Variants in CCDC13 observed in about 807,000 individuals in gnomAD.
CCDC13 encodes the protein coiled-coil domain-containing protein 13.
In CCDC13, 70 loss-of-function variants were observed where a neutral mutation model predicts 87.3. The observed-to-expected ratio is 0.80, with a 90% CI of 0.66 to 0.98. CCDC13 has a LOEUF of 0.98. CCDC13 is among the 50% of genes least tolerant of loss of function. The pLI, the probability that CCDC13 is intolerant of heterozygous loss-of-function variation, is 0.00. For missense variants in CCDC13, 842 were observed against 892.0 expected (o/e 0.94, Z 0.71); for synonymous variants, 317 against 360.3 (o/e 0.88, Z 1.36).
chr3:42,705,382 C>T (rs1467670165), downstream of CCDC13, among the ~76,000 whole-genome samples: 3 of 152,136 alleles, frequency 2.0e-5, no homozygotes, highest in Non-Finnish European at 2.9e-5. Flanking sequence ...AGCCAGGCTG[C>T]AACCTTGCCC....
At chr3:42,769,916 G>A (rs1700023473) in intron 1 of CCDC13, among the ~76,000 whole-genome samples, 1 of 152,256 alleles carries the variant, frequency 6.6e-6, no homozygotes, top group African/African-American at 2.4e-5. Flanking sequence ...GGGCAGGGCT[G>A]GGGACCGGCA....
chr3:42,719,593 G>A (rs981989262), intron 13 of CCDC13: 6 of 152,118 alleles, frequency 3.9e-5, no homozygotes, highest in African/African-American at 1.4e-4. Flanking sequence ...ACAGGCTTAG[G>A]ACACCCATAA....
Position 42,716,241 on chromosome 3 carries a change from C to CA in CCDC13, c.1719-2926dup, listed in dbSNP as rs879625891. Among the ~76,000 whole-genome samples, 145 of 139,080 alleles carry CA rather than the reference C, an allele frequency of 1.0e-3. 1 individual carries two copies. Among genetic ancestry groups the CA allele is most frequent in the South Asian group, 2.7e-3 (12 of 4,370 alleles). The allele number at this position is 139,080 out of a possible 152,430, so 91.2% of individuals were successfully genotyped here. A position where few individuals can be genotyped will look rare whatever the true frequency, so the allele number is the denominator to read the frequency against. Reference sequence around the variant, plus strand: ...AAAAAGGTTGTCAAAGATCTACCTCCAAAAAAAAAAAAATCAGGTCAAGCC... The same window carrying CA: ...AAAAAGGTTGTCAAAGATCTACCTCCAAAAAAAAAAAAAATCAGGTCAAGCC... On this transcript the variant is annotated intron_variant, in intron 13 of 15. Transcript: ENST00000310232.
intron 10 of CCDC13, among the ~76,000 whole-genome samples, chr3:42,735,120 G>A (rs1698963922): frequency 6.6e-6 from 1 of 152,214 alleles, no homozygotes; most frequent in South Asian, 2.1e-4. Context: ...GGGGCTTCCT[G>A]GAGGAGCTCC....
chr3:42,770,192 C>T (rs2125917019), intron 1 of CCDC13, among the ~76,000 whole-genome samples: 1 of 152,350 alleles, frequency 6.6e-6, no homozygotes, highest in Admixed American at 6.5e-5. Flanking sequence ...CACCAATCAG[C>T]ACTCTGTATC....
At chr3:42,732,105 G>A (rs1275962692) in intron 12 of CCDC13, among the ~76,000 whole-genome samples, 4 of 152,206 alleles carry the variant, frequency 2.6e-5, no homozygotes, top group Non-Finnish European at 4.4e-5. Context: ...CCTAAGGAGC[G>A]TGGCACATGC....
Position 42,758,112 on chromosome 3 carries a change from A to G in CCDC13, c.221+13T>C. 6.2e-7 allele frequency: 1 copy of G among 1,607,008 alleles called. No homozygotes were observed. The highest frequency in any genetic ancestry group is 8.5e-7 in the Non-Finnish European group (1 of 1,175,492). ...ACACACACACCCCTGAGAGATTTCA[A>G]ACTTGCATTTACCTCTTCTCAAAGC... On this transcript the variant is annotated intron_variant, in intron 2 of 15. Transcript: ENST00000310232.
At chr3:42,740,569 T>C (rs1462638441) in intron 8 of CCDC13, among the ~76,000 whole-genome samples, 3 of 152,112 alleles carry the variant, frequency 2.0e-5, no homozygotes, top group Admixed American at 2.0e-4. Flanking sequence ...TGTCAAATAG[T>C]GACAAATGCT....
chr3:42,742,843 A>G (rs967784717), intron 8 of CCDC13, 53 bp downstream of exon 8: 2 of 1,603,662 alleles, frequency 1.2e-6, no homozygotes, highest in Non-Finnish European at 1.7e-6. Flanking sequence ...TGCAGGCACC[A>G]TCATGATCTC....
intron 1 of CCDC13, among the ~76,000 whole-genome samples, chr3:42,769,220 T>C (rs1224385768): frequency 6.6e-6 from 1 of 152,144 alleles, no homozygotes; most frequent in African/African-American, 2.4e-5. Flanking sequence ...CAAATAGACA[T>C]ATGAAAAGAT....
chr3:42,723,858 A>T (rs1435238042), intron 13 of CCDC13, among the ~76,000 whole-genome samples: 2 of 152,242 alleles, frequency 1.3e-5, no homozygotes, highest in Non-Finnish European at 2.9e-5. Context: ...AATATTCTGT[A>T]ACCATAAAAG....
chr3:42,761,954 T>C (rs558054165), intron 1 of CCDC13, among the ~76,000 whole-genome samples: 86 of 152,342 alleles, frequency 5.6e-4, no homozygotes, highest in African/African-American at 2.0e-3. Flanking sequence ...GCTCTATCTG[T>C]ACCTTCTTAA....
At chr3:42,724,418 G>A (rs1034484801) in intron 13 of CCDC13, among the ~76,000 whole-genome samples, 4 of 152,020 alleles carry the variant, frequency 2.6e-5, no homozygotes, top group East Asian at 3.9e-4. Flanking sequence ...CTCTGTCCTC[G>A]CCCCCTCTCC....
Position 42,745,983 on chromosome 3 carries a change from G to T in CCDC13, c.765C>A (p.Leu255=). ...CCCTCCAGGTCCCTGGCGAAGATAGGAGCTGCTGAACGTTGATGTCTTCCC... is the reference window on the plus strand; with the variant it reads ...CCCTCCAGGTCCCTGGCGAAGATAGTAGCTGCTGAACGTTGATGTCTTCCC... ...EVGEDINVQQ[L]LSSPGTWRGR... Residue 255 remains leucine, a synonymous_variant, in exon 7 of 16, where the codon CTC becomes CTA. Transcript: ENST00000310232. The T allele has an allele frequency of 6.2e-7, 1 of 1,614,130 alleles. No homozygotes were observed.
At chr3:42,709,382 C>T (rs910393227) in intron 15 of CCDC13, among the ~76,000 whole-genome samples, 5 of 152,200 alleles carry the variant, frequency 3.3e-5, no homozygotes, top group Non-Finnish European at 5.9e-5. Flanking sequence ...TGTAGAGGTT[C>T]CCGTCTTTCC....
At chr3:42,727,092 C>T (rs1698706678) in intron 13 of CCDC13, among the ~76,000 whole-genome samples, 1 of 152,164 alleles carries the variant, frequency 6.6e-6, no homozygotes, top group African/African-American at 2.4e-5. Context: ...AATAAACAGG[C>T]CAGGCGTGGT....
At chr3:42,743,082 C>T (rs1212059920) in intron 7 of CCDC13, 25 bp from the exon 8 acceptor site, 1 of 1,612,764 alleles carries the variant, frequency 6.2e-7, no homozygotes, top group Admixed American at 1.7e-5. Context: ...ACTCGTCGTT[C>T]CACAATGGGT....
rs1348038614 is a variant in CCDC13, at chr3:42,732,867, CG to C, written c.1595+19del. 1.1e-5 allele frequency: 17 copies of C among 1,544,582 alleles called. No homozygotes were observed. Among genetic ancestry groups the C allele is most frequent in the African/African-American group, 2.7e-5 (2 of 72,756 alleles). On this transcript the variant is annotated intron_variant, in intron 12 of 15. Transcript: ENST00000310232. ...AGAATGGGAAAAAACTGTGAGAGTC[CG>C]GGGGTCGGGGGTCCATACCTAGGTG...
intron 13 of CCDC13, among the ~76,000 whole-genome samples, chr3:42,722,399 G>C (rs1559639861): frequency 6.6e-6 from 1 of 152,186 alleles, no homozygotes; most frequent in Non-Finnish European, 1.5e-5. Flanking sequence ...GAGGAGCTGG[G>C]TAAAATAAGG....
Sources: allele counts gnomAD v4.1 joint callset (sites outside exome capture counted in the v4.1 genomes callset), GRCh38; gene constraint gnomAD v4.1.1; transcripts MANE v1.5; gene names NCBI Gene and HGNC (gene_info 2026-07-23, HGNC 2026-07-21).